GRIN2B: variants seen among roughly 807,000 people sequenced by gnomAD.
The protein encoded by GRIN2B is glutamate ionotropic receptor NMDA type subunit 2B.
In GRIN2B, 5 loss-of-function variants were observed where a neutral mutation model predicts 114.5. That is an observed-to-expected ratio of 0.04 (90% confidence interval 0.02 to 0.09). The LOEUF is 0.09. GRIN2B is among the 10% of genes least tolerant of loss of function. GRIN2B has a pLI of 1.00. For missense variants in GRIN2B, 1,108 were observed against 1,943.5 expected, an observed-to-expected ratio of 0.57 and a Z score of 8.08; for synonymous variants, 787 against 745.1, an observed-to-expected ratio of 1.06 and a Z score of -0.92.
At chr12:13,944,653 T>C (rs1867330772) in intron 2 of GRIN2B, among the ~76,000 whole-genome samples, 1 of 152,216 alleles carries the variant, frequency 6.6e-6, no homozygotes, top group Non-Finnish European at 1.5e-5. Flanking sequence ...ACAATTAAAA[T>C]GAGCATCAGA....
At chr12:13,643,385 A>C (rs1949737562) in intron 5 of GRIN2B, among the ~76,000 whole-genome samples, 1 of 152,182 alleles carries the variant, frequency 6.6e-6, no homozygotes, top group South Asian at 2.1e-4. Flanking sequence ...CTAAAATCAC[A>C]ATTCATATAC....
intron 4 of GRIN2B, among the ~76,000 whole-genome samples, chr12:13,722,021 T>C (rs1473406655): frequency 2.0e-5 from 3 of 152,120 alleles, no homozygotes; most frequent in South Asian, 4.1e-4. Context: ...GACAAGATGA[T>C]AGTAGACTGA....
chr12:13,948,197 C>G (rs879589187), intron 2 of GRIN2B, among the ~76,000 whole-genome samples: 1 of 152,094 alleles, frequency 6.6e-6, no homozygotes, highest in African/African-American at 2.4e-5. Context: ...GCAAATATAA[C>G]CACATTGCCT....
At chr12:13,917,248 C>T (rs926341430) in intron 2 of GRIN2B, among the ~76,000 whole-genome samples, 1 of 152,126 alleles carries the variant, frequency 6.6e-6, no homozygotes, top group African/African-American at 2.4e-5. Context: ...ACCCCATAAC[C>T]CTGCTAATCA....
Position 13,559,154 on chromosome 12 carries a change from A to AGTAACATCTAGATT in GRIN2B, c.*3615_*3628dup, listed in dbSNP as rs1328654079. 1.3e-5 allele frequency: 2 copies of AGTAACATCTAGATT among 152,052 alleles called. No individual in the cohort carries two copies. The highest frequency in any genetic ancestry group is 3.9e-4 in the East Asian group (2 of 5,168). 9.4% of individuals were successfully genotyped at this position (152,052 alleles called of 1,614,324 possible). A position where few individuals can be genotyped will look rare whatever the true frequency, so the allele number is the denominator to read the frequency against. ...TTACTTGCTTGTTATTCTGGAATTA[A>AGTAACATCTAGATT]GTAACATCTAGATTTTAACAATGCC... is the stretch of plus-strand genomic sequence containing the variant. On this transcript the variant is annotated 3_prime_UTR_variant, in exon 14 of 14. Transcript: ENST00000609686.
intron 1 of GRIN2B, among the ~76,000 whole-genome samples, chr12:13,981,125 AG>A (rs1291391026): frequency 2.0e-5 from 3 of 151,298 alleles, no homozygotes. Context: ...AAAAGACCAG[AG>A]ACAGCCCTAC....
chr12:13,594,322 T>C (rs1003144003), intron 10 of GRIN2B, among the ~76,000 whole-genome samples: 4 of 152,110 alleles, frequency 2.6e-5, no homozygotes, highest in African/African-American at 9.7e-5. Context: ...GGCACATATA[T>C]ACCATGGAAT....
chr12:13,725,035 T>G (rs1230389159), intron 4 of GRIN2B, among the ~76,000 whole-genome samples: 1 of 152,150 alleles, frequency 6.6e-6, no homozygotes, highest in Non-Finnish European at 1.5e-5. Flanking sequence ...AACAACTTCC[T>G]TGAGACAGAG....
Position 13,970,163 on chromosome 12 carries a change from C to A in GRIN2B, c.-19+9765G>T, listed in dbSNP as rs143551350. On this transcript the variant is annotated intron_variant, in intron 2 of 13. Transcript: ENST00000609686. ...GATCAAGCAAGACCTCATGGTGGAG[C>A]CTGCCTTTGAGATGAGCCTTGAGGA... is the stretch of plus-strand genomic sequence containing the variant. Among the ~76,000 whole-genome samples the A allele has an allele frequency of 5.8e-4, 89 of 152,274 alleles. No homozygotes were observed. The East Asian group carries it at 0.013, about 21-fold the overall frequency.
intron 2 of GRIN2B, among the ~76,000 whole-genome samples, chr12:13,963,883 A>T (rs1867742721): frequency 6.6e-6 from 1 of 152,208 alleles, no homozygotes; most frequent in South Asian, 2.1e-4. Flanking sequence ...ACTGCTTGGC[A>T]CCCAGGACAA....
At chr12:13,775,924 G>A (rs115876171) in intron 3 of GRIN2B, among the ~76,000 whole-genome samples, 4,027 of 152,050 alleles carry the variant, frequency 0.026, 171 homozygotes, top group African/African-American at 0.087. Flanking sequence ...TTCCATTACC[G>A]AATATACACC....
At chr12:13,758,992 A>T (rs1863627965) in intron 3 of GRIN2B, among the ~76,000 whole-genome samples, 1 of 134,118 alleles carries the variant, frequency 7.5e-6, no homozygotes. Context: ...GATCTCATCT[A>T]GTTCAATTTT....
chr12:13,734,081 T>C (rs972101527), intron 4 of GRIN2B, among the ~76,000 whole-genome samples: 4 of 152,238 alleles, frequency 2.6e-5, no homozygotes, highest in African/African-American at 9.6e-5. Context: ...TGAGATCAAG[T>C]TGATGATATC....
intron 10 of GRIN2B, among the ~76,000 whole-genome samples, chr12:13,596,579 G>A (rs1949076201): frequency 6.6e-6 from 1 of 152,132 alleles, no homozygotes; most frequent in South Asian, 2.1e-4. Context: ...GCTGAGAGTG[G>A]GATCTTTTCC....
At chr12:13,672,543 C>A (rs530375713) in intron 5 of GRIN2B, among the ~76,000 whole-genome samples, 1 of 152,094 alleles carries the variant, frequency 6.6e-6, no homozygotes, top group South Asian at 2.1e-4. Flanking sequence ...GCAATCTCAC[C>A]ACAACCCAGC....
At chr12:13,623,230 G>C (rs1949534804) in intron 5 of GRIN2B, among the ~76,000 whole-genome samples, 1 of 152,128 alleles carries the variant, frequency 6.6e-6, no homozygotes, top group Non-Finnish European at 1.5e-5. Context: ...ATTTACTCAA[G>C]CATAGCCCTA....
intron 4 of GRIN2B, among the ~76,000 whole-genome samples, chr12:13,745,850 C>T (rs11055607): frequency 1.3e-5 from 2 of 152,016 alleles, no homozygotes; most frequent in African/African-American, 4.8e-5. Flanking sequence ...CCCTGGGCCT[C>T]GGGTTCCTTA....
Position 13,692,760 on chromosome 12 carries a change from C to CTTTCTTTTTTTTTTTTTTTTTTTTTTTTT in GRIN2B, c.1011-16902_1011-16901insAAAAAAAAAAAAAAAAAAAAAAAAAGAAA, listed in dbSNP as rs1427827056. On this transcript the variant is annotated intron_variant, in intron 4 of 13. Coordinates refer to ENST00000609686, the MANE Select transcript of GRIN2B (RefSeq NM_000834.5). ...ACTTATTTTCATTAATCTTTCTTTT[C>CTTTCTTTTTTTTTTTTTTTTTTTTTTTTT]TTTTTTTTTTTTTTTTTTTTTTTTT... 8.6e-4 allele frequency among the ~76,000 whole-genome samples: 45 copies of CTTTCTTTTTTTTTTTTTTTTTTTTTTTTT among 52,114 alleles called. 9 individuals carry two copies. The highest frequency in any genetic ancestry group is 9.8e-4 in the Non-Finnish European group (27 of 27,536). 34.2% of individuals were successfully genotyped at this position (52,114 alleles called of 152,430 possible).
In GRIN2B at chr12:13,547,450, A is replaced by G. The variant is rs1948357597; in HGVS notation, c.*15333T>C. On this transcript the variant is annotated 3_prime_UTR_variant, in exon 14 of 14. Transcript: ENST00000609686. ...GAGGGAGAGGATGAAAACTGCAAAGACCCTTGGGATTAAATGAAATCTGCT... is the reference window on the plus strand; with the variant it reads ...GAGGGAGAGGATGAAAACTGCAAAGGCCCTTGGGATTAAATGAAATCTGCT... The G allele has an allele frequency of 6.6e-6, 1 of 152,126 alleles. No homozygotes were observed. Among genetic ancestry groups the G allele is most frequent in the Non-Finnish European group, 1.5e-5 (1 of 68,022 alleles). 9.4% of individuals were successfully genotyped at this position (152,126 alleles called of 1,614,324 possible). A position where few individuals can be genotyped will look rare whatever the true frequency, so the allele number is the denominator to read the frequency against.
Sources: allele counts gnomAD v4.1 joint callset (sites outside exome capture counted in the v4.1 genomes callset), GRCh38; gene constraint gnomAD v4.1.1; transcripts MANE v1.5; gene names NCBI Gene and HGNC (gene_info 2026-07-23, HGNC 2026-07-21).